ERG: variants seen among roughly 807,000 people sequenced by gnomAD.
ERG encodes ETS transcription factor ERG.
In ERG, 9 loss-of-function variants were observed where a neutral mutation model predicts 55.3. That is an observed-to-expected ratio of 0.16 (90% CI 0.10 to 0.28). The LOEUF (loss-of-function observed/expected upper bound fraction) is 0.28. ERG is among the 10% of genes least tolerant of loss of function. The probability of loss-of-function intolerance (pLI) is 1.00; values close to 1 mark genes in which losing one functional copy is unlikely to be tolerated. For missense variants in ERG, 434 were observed against 631.6 expected (o/e 0.69, Z 3.35); for synonymous variants, 223 against 237.3 (o/e 0.94, Z 0.55).
intron 9 of ERG, among the ~76,000 whole-genome samples, chr21:38,388,456 T>G (rs1244474504): frequency 6.6e-6 from 1 of 152,218 alleles, no homozygotes; most frequent in Non-Finnish European, 1.5e-5. Context: ...TTGTATTGTA[T>G]GAAGAGCAAA....
At chr21:38,597,614 T>C (rs1179211601) in intron 1 of ERG, among the ~76,000 whole-genome samples, 1 of 152,128 alleles carries the variant, frequency 6.6e-6, no homozygotes, top group South Asian at 2.1e-4. Context: ...TTGTAGGATG[T>C]CCTGGGAACG....
chr21:38,518,419 T>C (rs146368303), intron 2 of ERG, among the ~76,000 whole-genome samples: 23 of 151,920 alleles, frequency 1.5e-4, no homozygotes, highest in African/African-American at 5.6e-4. Context: ...TAGAAACAAA[T>C]CAGACAATGG....
Position 38,521,143 on chromosome 21 carries a change from G to A in ERG, c.-41+54519C>T, listed in dbSNP as rs928344612. ...CACAGAGTCGAGGAGGAGGATTTCCGGGCTTCAGTGAGTGTGCATCAGAGA... is the reference window on the plus strand; with the variant it reads ...CACAGAGTCGAGGAGGAGGATTTCCAGGCTTCAGTGAGTGTGCATCAGAGA... On this transcript the variant is annotated intron_variant, in intron 2 of 8. Transcript: ENST00000398897. Among the ~76,000 whole-genome samples, 6 of 152,092 alleles carry A rather than the reference G, an allele frequency of 3.9e-5. No homozygotes were observed. The East Asian group carries it at 9.6e-4, about 24-fold the overall frequency.
At chr21:38,622,259 G>T (rs1479203228) in intron 1 of ERG, among the ~76,000 whole-genome samples, 1 of 152,164 alleles carries the variant, frequency 6.6e-6, no homozygotes, top group Non-Finnish European at 1.5e-5. Flanking sequence ...CTGCTTTCCG[G>T]GCCAAGTCAG....
At chr21:38,469,063 A>C (rs887313078) in intron 1 of ERG, among the ~76,000 whole-genome samples, 6 of 151,116 alleles carry the variant, frequency 4.0e-5, no homozygotes, top group Non-Finnish European at 1.5e-5. Flanking sequence ...CCAAAAAAAA[A>C]CCATAGCCCC....
intron 2 of ERG, among the ~76,000 whole-genome samples, chr21:38,544,000 A>G (rs1040722987): frequency 2.0e-5 from 3 of 152,200 alleles, no homozygotes; most frequent in Non-Finnish European, 4.4e-5. Flanking sequence ...TTGACCTCCG[A>G]AAGTGCTGGG....
intron 1 of ERG, among the ~76,000 whole-genome samples, chr21:38,457,081 C>T (rs1214746084): frequency 6.6e-6 from 1 of 152,196 alleles, no homozygotes; most frequent in African/African-American, 2.4e-5. Flanking sequence ...CACATACTTA[C>T]ATCACATCCA....
At chr21:38,500,045 C>A (rs1055909975), upstream of ERG, among the ~76,000 whole-genome samples, 3 of 151,924 alleles carry the variant, frequency 2.0e-5, no homozygotes, top group African/African-American at 7.2e-5. Context: ...TCTGTTTCCC[C>A]GAAAATTTCA....
chr21:38,604,258 A>C (rs2060183738), intron 1 of ERG, among the ~76,000 whole-genome samples: 1 of 151,902 alleles, frequency 6.6e-6, no homozygotes, highest in Non-Finnish European at 1.5e-5. Flanking sequence ...CGTCAAAAAA[A>C]AAAAAAAAAA....
chr21:38,411,406 C>T (rs2032093), intron 3 of ERG, among the ~76,000 whole-genome samples: 59,196 of 152,066 alleles, frequency 0.39, 12,823 homozygotes, highest in Middle Eastern at 0.5. Flanking sequence ...CAACCTCTGC[C>T]TCCCAGGTTC....
intron 1 of ERG, among the ~76,000 whole-genome samples, chr21:38,593,862 C>T (rs1228834144): frequency 6.6e-6 from 1 of 152,124 alleles, no homozygotes; most frequent in African/African-American, 2.4e-5. Flanking sequence ...CTTTCAGCAT[C>T]ACTTTGATAC....
intron 2 of ERG, among the ~76,000 whole-genome samples, chr21:38,541,491 A>C (rs931225105): frequency 6.6e-6 from 1 of 152,230 alleles, no homozygotes; most frequent in Non-Finnish European, 1.5e-5. Flanking sequence ...CACTTGCTCA[A>C]GTGTAAAATA....
intron 2 of ERG, among the ~76,000 whole-genome samples, chr21:38,515,076 A>G (rs1443694243): frequency 2.0e-5 from 3 of 152,034 alleles, no homozygotes; most frequent in Admixed American, 6.5e-5. Context: ...ATATTATTAA[A>G]AGAAGACCAA....
intron 1 of ERG, among the ~76,000 whole-genome samples, chr21:38,598,830 G>A (rs1322870281): frequency 6.6e-6 from 1 of 152,206 alleles, no homozygotes; most frequent in Non-Finnish European, 1.5e-5. Flanking sequence ...ACCAAAGGAG[G>A]AGTTGGGAGA....
intron 1 of ERG, among the ~76,000 whole-genome samples, chr21:38,657,257 G>A (rs1250385017): frequency 1.3e-5 from 2 of 152,136 alleles, no homozygotes; most frequent in South Asian, 2.1e-4. Flanking sequence ...TCCTGAACAC[G>A]CACTGAGTCA....
chr21:38,607,638 CA>C (rs937631230), intron 1 of ERG, among the ~76,000 whole-genome samples: 276 of 143,082 alleles, frequency 1.9e-3, no homozygotes, highest in African/African-American at 5.4e-3. Flanking sequence ...GACTCCGTCT[CA>C]AAAAAAAAAT....
At chr21:38,516,604 G>GA (rs1182802092) in intron 2 of ERG, among the ~76,000 whole-genome samples, 1 of 151,454 alleles carries the variant, frequency 6.6e-6, no homozygotes, top group Non-Finnish European at 1.5e-5. Context: ...CACAAGAATA[G>GA]AAAAAAACAA....
At chr21:38,447,698 C>T (rs1233663663) in intron 1 of ERG, among the ~76,000 whole-genome samples, 1 of 151,758 alleles carries the variant, frequency 6.6e-6, no homozygotes, top group African/African-American at 2.4e-5. Flanking sequence ...AAAATTTTTG[C>T]AAAACAGATA....
chr21:38,478,610 A>G (rs565340046), intron 1 of ERG, among the ~76,000 whole-genome samples: 1 of 152,350 alleles, frequency 6.6e-6, no homozygotes, highest in South Asian at 2.1e-4. Context: ...CTTTCCCAAG[A>G]CAATCTTGCA....
Sources: gnomAD v4.1 joint callset for allele counts (sites outside exome capture counted in the v4.1 genomes callset) on GRCh38, gnomAD v4.1.1 for gene constraint, MANE v1.5 for transcripts, NCBI Gene and HGNC (gene_info 2026-07-23, HGNC 2026-07-21) for gene names.